The following PCDHA5 variants were observed in gnomAD, a reference collection of about 807,000 sequenced individuals.
PCDHA5 encodes the protein protocadherin alpha 5.
PCDHA5 carries 43 observed loss-of-function variants against 61.6 expected under a neutral mutation model. That is an observed-to-expected ratio of 0.70 (90% CI 0.55 to 0.90). The LOEUF (loss-of-function observed/expected upper bound fraction) is 0.90, where lower values mean the gene tolerates loss of function less well. PCDHA5 is among the 40% of genes least tolerant of loss of function. The probability of loss-of-function intolerance (pLI) is 0.00; values close to 1 mark genes in which losing one functional copy is unlikely to be tolerated. For synonymous variants in PCDHA5, 627 were observed against 543.9 expected, an observed-to-expected ratio of 1.15 and a Z score of -2.13; for missense variants, 1,298 against 1,222.7, an observed-to-expected ratio of 1.06 and a Z score of -0.92.
At chr5:140,926,789 G>C in intron 1 of PCDHA5, 1 of 1,432,318 alleles carries the variant, frequency 7.0e-7, no homozygotes, top group Non-Finnish European at 9.1e-7. Context: ...CGGCCGGCAG[G>C]AGCGTGCTCT....
At chr5:140,956,132 C>A (rs782171826) in intron 1 of PCDHA5, among the ~76,000 whole-genome samples, 1 of 152,028 alleles carries the variant, frequency 6.6e-6, no homozygotes, top group African/African-American at 2.4e-5. Context: ...ATTTGAATAC[C>A]CTTTATTTCT....
chr5:140,912,860 G>A (rs1554195574), intron 1 of PCDHA5, among the ~76,000 whole-genome samples: 1 of 152,182 alleles, frequency 6.6e-6, no homozygotes, highest in African/African-American at 2.4e-5. Flanking sequence ...CAATTGAAAT[G>A]ATATATGGTT....
At chr5:140,929,530 G>A in intron 1 of PCDHA5, 1 of 636,248 alleles carries the variant, frequency 1.6e-6, no homozygotes, top group Non-Finnish European at 2.3e-6. Flanking sequence ...GTTTATTTTT[G>A]AGAAACAAGG....
intron 1 of PCDHA5, chr5:140,858,606 T>A: frequency 8.0e-7 from 1 of 1,257,634 alleles, no homozygotes; most frequent in Non-Finnish European, 1.1e-6. Flanking sequence ...GTTTTAAAAT[T>A]TTTTTATCCT....
chr5:140,848,035 A>G (rs1554141975), intron 1 of PCDHA5: 1 of 158,990 alleles, frequency 6.3e-6, no homozygotes, highest in African/African-American at 2.4e-5. Flanking sequence ...TGATTGCTCA[A>G]TGGAATCATT....
chr5:140,882,423 T>C (rs1554174072), intron 1 of PCDHA5: 2 of 1,614,052 alleles, frequency 1.2e-6, no homozygotes, highest in African/African-American at 2.7e-5. Context: ...GCTCAGGACC[T>C]GGGGCTGGAG....
At chr5:140,885,274 AT>A (rs2153409165) in intron 1 of PCDHA5, among the ~76,000 whole-genome samples, 1 of 152,248 alleles carries the variant, frequency 6.6e-6, no homozygotes, top group South Asian at 2.1e-4. Context: ...ATACATATAT[AT>A]ATACATATAT....
intron 1 of PCDHA5, chr5:140,884,023 G>C (rs1554181067): frequency 2.5e-6 from 4 of 1,613,202 alleles, no homozygotes; most frequent in Non-Finnish European, 3.4e-6. Flanking sequence ...CGCGGTCGGT[G>C]GGTGCAGGCC....
intron 1 of PCDHA5, among the ~76,000 whole-genome samples, chr5:140,919,585 G>A (rs2079204849): frequency 6.6e-6 from 1 of 151,898 alleles, no homozygotes; most frequent in African/African-American, 2.4e-5. Flanking sequence ...ATGTAACATG[G>A]TAATTTTTAA....
rs2150122762 is a variant in PCDHA5 at position 140,823,140 on chromosome 5, G to A, written c.1365G>A (p.Ala455=). The change falls in exon 1 of 4, where the codon GCG becomes GCA. Residue 455 remains alanine, a synonymous_variant. Coordinates refer to ENST00000529859, the MANE Select transcript of PCDHA5 (RefSeq NM_018908.3). ...ADVNDNAPAF[A]QPQYTVFVKE... is the part of the protein sequence containing the mutation. The stretch of plus-strand genomic sequence containing the variant: ...TGAACGACAACGCTCCGGCGTTCGC[G>A]CAGCCCCAGTATACCGTGTTCGTGA... 5.0e-6 allele frequency: 8 copies of A among 1,613,882 alleles called. No individual in the cohort carries two copies. Among genetic ancestry groups the A allele is most frequent in the Non-Finnish European group, 6.8e-6 (8 of 1,179,964 alleles).
At chr5:140,909,327 G>A (rs2074440684) in intron 1 of PCDHA5, among the ~76,000 whole-genome samples, 1 of 152,216 alleles carries the variant, frequency 6.6e-6, no homozygotes. Context: ...CCAAATCAAT[G>A]GTTGCATACC....
intron 1 of PCDHA5, chr5:140,852,028 TATTG>T (rs1203440654): frequency 2.1e-6 from 2 of 942,992 alleles, no homozygotes; most frequent in Admixed American, 6.3e-5. Flanking sequence ...AAACTTCGCT[TATTG>T]AGTTTTTGTT....
intron 1 of PCDHA5, among the ~76,000 whole-genome samples, chr5:140,913,922 A>G (rs2076507888): frequency 6.6e-6 from 1 of 151,936 alleles, no homozygotes; most frequent in South Asian, 2.1e-4. Context: ...ATTTTACTTC[A>G]TTGTGGTCAG....
chr5:140,856,752 A>G lies in PCDHA5; in HGVS notation c.2352+32625A>G, dbSNP rs201595428. The G allele has an allele frequency of 2.2e-5, 35 of 1,596,730 alleles. 5 individuals carry two copies. Among genetic ancestry groups the G allele is most frequent in the Non-Finnish European group, 3.4e-6 (4 of 1,166,694 alleles). On this transcript the variant is annotated intron_variant, in intron 1 of 3. Transcript: ENST00000529859. ...CTGCTGATCCTGGTGTTAGATGCCA[A>G]TGATAACGCCCCTATCTTTGACAGA...
intron 1 of PCDHA5, among the ~76,000 whole-genome samples, chr5:140,925,206 G>A (rs576558414): frequency 1.3e-5 from 2 of 152,234 alleles, no homozygotes; most frequent in South Asian, 2.1e-4. Context: ...AATAATTATC[G>A]ATACTTTTAG....
chr5:140,861,197 T>C (rs1203877900), intron 1 of PCDHA5: 1 of 162,270 alleles, frequency 6.2e-6, no homozygotes, highest in Non-Finnish European at 1.3e-5. Context: ...CATGAAATAT[T>C]GTTTTACTAA....
intron 1 of PCDHA5, chr5:140,969,554 TC>T: frequency 8.2e-7 from 1 of 1,222,072 alleles, no homozygotes; most frequent in Non-Finnish European, 1.1e-6. Context: ...TGAAGCCTTG[TC>T]CATAAAATTG....
intron 1 of PCDHA5, among the ~76,000 whole-genome samples, chr5:140,887,231 A>G (rs570148204): frequency 7.0e-4 from 106 of 151,572 alleles, no homozygotes; most frequent in Admixed American, 1.4e-3. Context: ...CGAGTAGCTG[A>G]GACTACCGGC....
intron 1 of PCDHA5, chr5:140,824,627 T>TTGTTTG (rs1554130002): frequency 7.5e-6 from 1 of 134,010 alleles, no homozygotes; most frequent in African/African-American, 3.2e-5. Context: ...TTTTTTTTTT[T>TTGTTTG]TTTTTATTTT....
Sources: gnomAD v4.1 joint callset for allele counts (sites outside exome capture counted in the v4.1 genomes callset) on GRCh38, gnomAD v4.1.1 for gene constraint, MANE v1.5 for transcripts, NCBI Gene and HGNC (gene_info 2026-07-23, HGNC 2026-07-21) for gene names.